ITGB3BP: variants seen among roughly 807,000 people sequenced by gnomAD.
ITGB3BP encodes the protein centromere protein R.
Under a neutral mutation model 29.1 loss-of-function variants are expected in ITGB3BP, and 27 were observed. The ratio of observed to expected loss-of-function variants is 0.93; its 90% CI spans 0.68 to 1.28. The LOEUF (loss-of-function observed/expected upper bound fraction) is 1.28, where lower values mean the gene tolerates loss of function less well. Among genes scored for constraint, ITGB3BP ranks in the 50% most tolerant of loss-of-function variants. The pLI, the probability that ITGB3BP is intolerant of heterozygous loss-of-function variation, is 0.00. For synonymous variants in ITGB3BP, 61 were observed against 61.4 expected, an observed-to-expected ratio of 0.99 and a Z score of 0.03; for missense variants, 192 against 200.2, an observed-to-expected ratio of 0.96 and a Z score of 0.25.
At chr1:63,458,315 G>A (rs936822166) in intron 4 of ITGB3BP, 1 of 152,046 alleles carries the variant, frequency 6.6e-6, no homozygotes, top group Non-Finnish European at 1.5e-5. Flanking sequence ...AGCTTCAAAT[G>A]TAGTTTCATC....
chr1:63,456,536 T>C (rs79832555), intron 4 of ITGB3BP, among the ~76,000 whole-genome samples: 5 of 152,154 alleles, frequency 3.3e-5, no homozygotes, highest in Non-Finnish European at 7.4e-5. Context: ...GCTTCTCATA[T>C]ATGATGCCAA....
rs1645614432 is a variant in ITGB3BP at position 63,490,110 on chromosome 1, G to C, written c.157C>G (p.Gln53Glu). 1.2e-6 allele frequency: 2 copies of C among 1,611,148 alleles called. No individual in the cohort carries two copies. Among genetic ancestry groups the C allele is most frequent in the Non-Finnish European group, 1.7e-6 (2 of 1,178,380 alleles). The change falls in exon 3 of 9, where the codon CAA (glutamine) becomes GAA (glutamate). Residue 53 changes from glutamine to glutamate, a missense_variant. By Grantham distance (29) the Gln-to-Glu change is conservative. Coordinates refer to ENST00000271002, the MANE Select transcript of ITGB3BP (RefSeq NM_014288.5). ...LFASPTSSEE[Q>E]KHRNGLSNEK... ...TTTGATAGTCCATTTCTGTGCTTTTGCTCTTCAGAACTTGTGGGAGAAGCA... is the reference window on the plus strand; with the variant it reads ...TTTGATAGTCCATTTCTGTGCTTTTCCTCTTCAGAACTTGTGGGAGAAGCA...
chr1:63,458,041 T>G (rs780235531), intron 4 of ITGB3BP: 6 of 152,056 alleles, frequency 3.9e-5, no homozygotes, highest in African/African-American at 9.7e-5. Flanking sequence ...CTTAGAAGAG[T>G]TGCATTGTGA....
intron 2 of ITGB3BP, among the ~76,000 whole-genome samples, chr1:63,491,612 G>C (rs1054804643): frequency 1.3e-5 from 2 of 152,124 alleles, no homozygotes; most frequent in Non-Finnish European, 2.9e-5. Context: ...GGAAGAAATA[G>C]TGGCTGTGTC....
intron 3 of ITGB3BP, among the ~76,000 whole-genome samples, chr1:63,483,502 T>A (rs1645475148): frequency 1.3e-5 from 2 of 152,236 alleles, no homozygotes; most frequent in Admixed American, 1.3e-4. Flanking sequence ...ATTAGACTTT[T>A]CTGAGAACCA....
At chr1:63,515,632 C>T (rs1461129320) in intron 1 of ITGB3BP, among the ~76,000 whole-genome samples, 1 of 151,732 alleles carries the variant, frequency 6.6e-6, no homozygotes, top group African/African-American at 2.4e-5. Context: ...TCAAGACCAG[C>T]CTGATCAATA....
intron 2 of ITGB3BP, among the ~76,000 whole-genome samples, chr1:63,497,836 A>G (rs1327381727): frequency 1.3e-5 from 2 of 152,172 alleles, no homozygotes; most frequent in Non-Finnish European, 2.9e-5. Flanking sequence ...TGATGACTTT[A>G]TCACTGGGGT....
chr1:63,493,417 A>AAAACAAACAAAC (rs60111018), intron 2 of ITGB3BP, among the ~76,000 whole-genome samples: 8 of 145,582 alleles, frequency 5.5e-5, no homozygotes, highest in African/African-American at 1.7e-4. Context: ...TCTGTCTCAA[A>AAAACAAACAAAC]AAACAAACAA....
chr1:63,490,878 C>T (rs1196159245), intron 2 of ITGB3BP, among the ~76,000 whole-genome samples: 1 of 152,128 alleles, frequency 6.6e-6, no homozygotes, highest in African/African-American at 2.4e-5. Flanking sequence ...TAAATATTAT[C>T]TTTTCATCTT....
rs537883071 is a variant in ITGB3BP at position 63,446,864 on chromosome 1, AAAG to A, written c.485-11_485-9del. The A allele has an allele frequency of 3.4e-5, 55 of 1,603,304 alleles. No individual in the cohort carries two copies. In the African/African-American group the frequency reaches 6.1e-4, roughly 18 times the overall value. On this transcript the variant is annotated splice_polypyrimidine_tract_variant and intron_variant, in intron 7 of 8. Coordinates refer to ENST00000271002, the MANE Select transcript of ITGB3BP (RefSeq NM_014288.5). ...TGTCAAGATGACGTGATGCTATATG[AAAG>A]AAGAAAGGTTTTTTTTTTCAGAAAA... is the stretch of plus-strand genomic sequence containing the variant.
intron 1 of ITGB3BP, among the ~76,000 whole-genome samples, chr1:63,517,144 CT>C (rs1006707920): frequency 1.3e-5 from 2 of 151,914 alleles, no homozygotes; most frequent in Non-Finnish European, 2.9e-5. Flanking sequence ...ATCCACTTAA[CT>C]TTTTTTAAAA....
At chr1:63,511,558 C>T (rs1392531443) in intron 1 of ITGB3BP, among the ~76,000 whole-genome samples, 1 of 151,696 alleles carries the variant, frequency 6.6e-6, no homozygotes, top group Non-Finnish European at 1.5e-5. Context: ...ACAGATGAAC[C>T]GATAAACAAA....
In ITGB3BP at chr1:63,493,689, C is replaced by T. The variant is rs76602362; in HGVS notation, c.49-3471G>A. ...CAAATAGATATGATATTTTCCTTTCCTTCCTTCAATTTCTTTCACAAATTG... is the reference window on the plus strand; with the variant it reads ...CAAATAGATATGATATTTTCCTTTCTTTCCTTCAATTTCTTTCACAAATTG... On this transcript the variant is annotated intron_variant, in intron 2 of 8. Coordinates refer to ENST00000271002, the MANE Select transcript of ITGB3BP (RefSeq NM_014288.5). 1.6e-3 allele frequency among the ~76,000 whole-genome samples: 237 copies of T among 152,080 alleles called. 1 individual carries two copies. The East Asian group carries it at 0.031, about 20-fold the overall frequency.
chr1:63,496,923 C>G (rs1038509679), intron 2 of ITGB3BP, among the ~76,000 whole-genome samples: 2 of 152,150 alleles, frequency 1.3e-5, no homozygotes, highest in South Asian at 2.1e-4. Flanking sequence ...TCTACATATG[C>G]AATAAAGGAT....
chr1:63,509,985 G>A (rs1247648722), intron 1 of ITGB3BP: 3 of 429,740 alleles, frequency 7.0e-6, no homozygotes, highest in South Asian at 5.5e-5. Flanking sequence ...CTGACGTCAG[G>A]AGTTCGAGAC....
rs569244772 is a variant in ITGB3BP, at chr1:63,468,916, T to C, written c.254+9848A>G. On this transcript the variant is annotated intron_variant, in intron 4 of 8. Coordinates refer to ENST00000271002, the MANE Select transcript of ITGB3BP (RefSeq NM_014288.5). ...AAATAAATAAATAAGGTGGGCGTGG[T>C]GGTGTGTGCTTGTAGTCCCAGCTAC... is the stretch of plus-strand genomic sequence containing the variant. Among the ~76,000 whole-genome samples the C allele has an allele frequency of 9.6e-4, 141 of 147,238 alleles. 1 individual carries two copies. Among genetic ancestry groups the C allele is most frequent in the African/African-American group, 3.4e-3 (134 of 39,972 alleles).
chr1:63,521,291 A>G (rs1557661404), intron 1 of ITGB3BP, among the ~76,000 whole-genome samples: 2 of 152,072 alleles, frequency 1.3e-5, no homozygotes, highest in Non-Finnish European at 2.9e-5. Context: ...TTTACTAACA[A>G]TGATGGAGAT....
At chr1:63,472,364 C>CA (rs1196554276) in intron 4 of ITGB3BP, among the ~76,000 whole-genome samples, 47 of 118,586 alleles carry the variant, frequency 4.0e-4, no homozygotes, top group African/African-American at 1.3e-3. Flanking sequence ...GATATTTTTG[C>CA]AAAAAAAAAA....
chr1:63,513,822 G>C (rs1158692219), intron 1 of ITGB3BP, among the ~76,000 whole-genome samples: 1 of 152,098 alleles, frequency 6.6e-6, no homozygotes, highest in African/African-American at 2.4e-5. Flanking sequence ...ACTAGTTTCA[G>C]AAGTGCTAAC....
Sources: allele counts gnomAD v4.1 joint callset (sites outside exome capture counted in the v4.1 genomes callset), GRCh38; gene constraint gnomAD v4.1.1; transcripts MANE v1.5; gene names NCBI Gene and HGNC (gene_info 2026-07-23, HGNC 2026-07-21).